The following TP63 variants were observed in gnomAD, a reference collection of about 807,000 sequenced individuals.
The protein encoded by TP63 is tumor protein p63.
A neutral mutation model predicts 82.8 loss-of-function variants in TP63; 17 were observed. That is an observed-to-expected ratio of 0.21 (90% CI 0.14 to 0.31). The LOEUF (loss-of-function observed/expected upper bound fraction) is 0.31. Among genes scored for constraint, TP63 ranks in the 10% least tolerant of loss-of-function variants. The pLI is 1.00. For synonymous variants in TP63, 330 were observed against 321.7 expected, an observed-to-expected ratio of 1.03 and a Z score of -0.28; for missense variants, 648 against 895.3, an observed-to-expected ratio of 0.72 and a Z score of 3.52.
At chr3:189,729,112 T>G (rs1719977280) in intron 1 of TP63, among the ~76,000 whole-genome samples, 1 of 152,054 alleles carries the variant, frequency 6.6e-6, no homozygotes, top group African/African-American at 2.4e-5. Flanking sequence ...AGTTAGAAAA[T>G]GCTGACTAAT....
At chr3:189,864,081 T>A in intron 4 of TP63, 151 bp from the exon 5 acceptor site, 1 of 969,326 alleles carries the variant, frequency 1.0e-6, no homozygotes, top group Non-Finnish European at 1.6e-6. Flanking sequence ...TCTAATAACA[T>A]TGACATACGT....
intron 3 of TP63, among the ~76,000 whole-genome samples, chr3:189,794,264 TAAG>T (rs1322234079): frequency 6.6e-6 from 1 of 152,002 alleles, no homozygotes; most frequent in African/African-American, 2.4e-5. Context: ...TAAAAATAAT[TAAG>T]AAATAATTCC....
Position 189,752,995 on chromosome 3 carries a change from G to A in TP63, c.324+14221G>A, listed in dbSNP as rs1721933592. On this transcript the variant is annotated intron_variant, in intron 3 of 13. Coordinates refer to ENST00000264731, the MANE Select transcript of TP63 (RefSeq NM_003722.5). The stretch of plus-strand genomic sequence containing the variant: ...ACTAACTTAGCTTAATTTCATTATG[G>A]TCAGAAAATATACTTTGTATGATTT... 2.0e-5 allele frequency among the ~76,000 whole-genome samples: 3 copies of A among 151,926 alleles called. No homozygotes were observed. In the South Asian group the frequency reaches 6.2e-4, roughly 32 times the overall value.
At chr3:189,751,682 G>T (rs1366318648) in intron 3 of TP63, among the ~76,000 whole-genome samples, 1 of 152,010 alleles carries the variant, frequency 6.6e-6, no homozygotes, top group Non-Finnish European at 1.5e-5. Context: ...TTTTTTTCTT[G>T]TAAATTTGTT....
intron 4 of TP63, among the ~76,000 whole-genome samples, chr3:189,857,078 T>TA (rs1308448598): frequency 2.6e-5 from 4 of 152,106 alleles, no homozygotes; most frequent in Admixed American, 2.6e-4. Context: ...GAACAATTTT[T>TA]AAAAAGAACA....
At chr3:189,665,631 C>T (rs1714318980) in intron 1 of TP63, among the ~76,000 whole-genome samples, 1 of 152,018 alleles carries the variant, frequency 6.6e-6, no homozygotes, top group Admixed American at 6.6e-5. Context: ...AATCACAACA[C>T]TAATTAATTC....
At chr3:189,597,540 G>C in the TP63 span, among the ~76,000 whole-genome samples, 1 of 152,174 alleles carries the variant, frequency 6.6e-6, no homozygotes, top group Non-Finnish European at 1.5e-5. Context: ...GGTAAAAATA[G>C]AATCAAATGA....
intron 4 of TP63, among the ~76,000 whole-genome samples, chr3:189,813,551 C>T (rs1179704013): frequency 1.3e-5 from 2 of 151,212 alleles, no homozygotes; most frequent in South Asian, 2.1e-4. Flanking sequence ...GCTCATGACA[C>T]GAGAGTACTC....
chr3:189,636,675 T>A (rs1729802972), intron 1 of TP63, among the ~76,000 whole-genome samples: 1 of 152,164 alleles, frequency 6.6e-6, no homozygotes, highest in African/African-American at 2.4e-5. Flanking sequence ...AACATTGAGA[T>A]AAATGTGAGC....
At position 189,818,722 on chromosome 3, in the gene TP63, A is replaced by G. The variant is rs73057232; in HGVS notation, c.579+10196A>G. 4.3e-3 allele frequency among the ~76,000 whole-genome samples: 655 copies of G among 152,278 alleles called. 5 individuals carry two copies. Among genetic ancestry groups the G allele is most frequent in the African/African-American group, 0.015 (619 of 41,554 alleles). On this transcript the variant is annotated intron_variant, in intron 4 of 13. Transcript: ENST00000264731. Reference sequence around the variant, plus strand: ...TTACTTAAGAATTTTGCTTGTAAGAAAAAAAACTGTATCTGATTGAATTTG... The same window carrying G: ...TTACTTAAGAATTTTGCTTGTAAGAGAAAAAACTGTATCTGATTGAATTTG...
intron 4 of TP63, among the ~76,000 whole-genome samples, chr3:189,840,173 T>C (rs1445874555): frequency 6.6e-6 from 1 of 152,104 alleles, no homozygotes; most frequent in African/African-American, 2.4e-5. Context: ...ATTCAGAGTA[T>C]TTGAGTGTAT....
At chr3:189,845,238 A>G (rs1313837165) in intron 4 of TP63, among the ~76,000 whole-genome samples, 1 of 152,140 alleles carries the variant, frequency 6.6e-6, no homozygotes, top group Non-Finnish European at 1.5e-5. Context: ...AGTTTTTTGA[A>G]CTAGAAGCCA....
chr3:189,705,749 G>C (rs574587773), intron 1 of TP63, among the ~76,000 whole-genome samples: 1 of 152,278 alleles, frequency 6.6e-6, no homozygotes, highest in African/African-American at 2.4e-5. Context: ...GGGGTACACT[G>C]AATTCTCCAG....
At chr3:189,784,305 A>G (rs12638691) in intron 3 of TP63, among the ~76,000 whole-genome samples, 3 of 152,024 alleles carry the variant, frequency 2.0e-5, no homozygotes, top group Non-Finnish European at 4.4e-5. Flanking sequence ...GCTATATGGT[A>G]AATGAACTGT....
intron 1 of TP63, among the ~76,000 whole-genome samples, chr3:189,658,819 GA>G (rs1713617046): frequency 6.6e-6 from 1 of 152,004 alleles, no homozygotes; most frequent in Non-Finnish European, 1.5e-5. Flanking sequence ...AAGGAAATAT[GA>G]ATAAATTATG....
intron 1 of TP63, among the ~76,000 whole-genome samples, chr3:189,658,784 G>C (rs532301292): frequency 6.6e-6 from 1 of 152,104 alleles, no homozygotes; most frequent in Admixed American, 6.6e-5. Flanking sequence ...GAATTTAGGA[G>C]AAGAAAAAGG....
chr3:189,853,195 G>A (rs1241525223), intron 4 of TP63, among the ~76,000 whole-genome samples: 3 of 152,028 alleles, frequency 2.0e-5, no homozygotes, highest in Non-Finnish European at 2.9e-5. Flanking sequence ...TCCTGCTTCC[G>A]TCTTTGTTCC....
At chr3:189,632,141 A>G (rs1729498003) in intron 1 of TP63, among the ~76,000 whole-genome samples, 1 of 151,986 alleles carries the variant, frequency 6.6e-6, no homozygotes, top group South Asian at 2.1e-4. Context: ...CTAAGAGAGA[A>G]TATTAGTGAG....
chr3:189,794,765 G>A (rs188462044), intron 3 of TP63, among the ~76,000 whole-genome samples: 11 of 152,146 alleles, frequency 7.2e-5, no homozygotes, highest in Non-Finnish European at 1.5e-4. Context: ...CTACTAGAGA[G>A]CACAGGGAGA....
Sources: allele counts gnomAD v4.1 joint callset (sites outside exome capture counted in the v4.1 genomes callset), GRCh38; gene constraint gnomAD v4.1.1; transcripts MANE v1.5; gene names NCBI Gene and HGNC (gene_info 2026-07-23, HGNC 2026-07-21).